TSHZ1: variants seen among roughly 807,000 people sequenced by gnomAD.
TSHZ1 encodes teashirt zinc finger homeobox 1, also known as teashirt homolog 1.
In TSHZ1, 12 loss-of-function variants were observed where a neutral mutation model predicts 67.1. That is an observed-to-expected ratio of 0.18 (90% CI 0.11 to 0.29). The LOEUF (loss-of-function observed/expected upper bound fraction) is 0.29, where lower values mean the gene tolerates loss of function less well. Among genes scored for constraint, TSHZ1 ranks in the 10% least tolerant of loss-of-function variants. The pLI, the probability that TSHZ1 is intolerant of heterozygous loss-of-function variation, is 1.00. For missense variants in TSHZ1, 1,305 were observed against 1,413.9 expected (o/e 0.92, Z 1.23); for synonymous variants, 632 against 622.4 (o/e 1.02, Z -0.23).
At position 75,244,171 on chromosome 18, in the gene TSHZ1, G is replaced by A. The variant is rs569422556; in HGVS notation, c.40+32255G>A. On this transcript the variant is annotated intron_variant, in intron 1 of 1. Coordinates refer to ENST00000580243, the MANE Select transcript of TSHZ1 (RefSeq NM_001308210.2). ...CGGGGGAATAGGCATCGTGCTCGGA[G>A]TTCCGGGTTCCCTTGCACCCCAGAA... is the stretch of plus-strand genomic sequence containing the variant. 5.9e-5 allele frequency among the ~76,000 whole-genome samples: 9 copies of A among 152,288 alleles called. No homozygotes were observed. The South Asian group carries it at 1.9e-3, about 32-fold the overall frequency.
At chr18:75,233,215 G>A (rs367971288) in intron 1 of TSHZ1, among the ~76,000 whole-genome samples, 2 of 152,280 alleles carry the variant, frequency 1.3e-5, no homozygotes, top group Middle Eastern at 3.4e-3. Flanking sequence ...AGTCTGCTCC[G>A]TTATCTCTTT....
At chr18:75,215,827 A>G (rs2022759548) in intron 1 of TSHZ1, among the ~76,000 whole-genome samples, 1 of 152,182 alleles carries the variant, frequency 6.6e-6, no homozygotes. Context: ...ACAGGTTGTA[A>G]TCCCACGGGG....
chr18:75,274,504 T>G (rs1428839002), intron 1 of TSHZ1, among the ~76,000 whole-genome samples: 1 of 152,192 alleles, frequency 6.6e-6, no homozygotes, highest in African/African-American at 2.4e-5. Flanking sequence ...TCTGATAGGT[T>G]AATCACTAGA....
intron 1 of TSHZ1, among the ~76,000 whole-genome samples, chr18:75,213,716 C>T (rs992363784): frequency 2.6e-5 from 4 of 152,104 alleles, no homozygotes; most frequent in South Asian, 2.1e-4. Flanking sequence ...AAAAACAAGC[C>T]GTCAAGGCGA....
At chr18:75,216,889 C>G (rs4891246) in intron 1 of TSHZ1, among the ~76,000 whole-genome samples, 2,436 of 152,216 alleles carry the variant, frequency 0.016, 111 homozygotes, top group East Asian at 0.15. Context: ...GGGCCGGGAC[C>G]CACTCCTGTT....
In TSHZ1 at chr18:75,286,336, T is replaced by G; in HGVS notation, c.929T>G (p.Met310Arg). The change falls in exon 2 of 2, where the codon ATG (methionine) becomes AGG (arginine). Residue 310 changes from methionine (M) to arginine (R), a missense_variant. By Grantham distance (91) the Met-to-Arg change is moderately conservative. This residue lies in a region of TSHZ1 where 38 missense variants were observed against 76.5 expected (regional missense o/e 0.50). Coordinates refer to ENST00000580243, the MANE Select transcript of TSHZ1 (RefSeq NM_001308210.2). This position sits in a 1 kb window ranked among gnomAD's most constrained non-coding sequence, Gnocchi z 5.1. ...GATGCCCAGAAGGTGCTGAAGTGCA[T>G]GTACTGTGGACACTCCTTTGAGTCC... Reference protein sequence around the residue: ...KEDAQKVLKCMYCGHSFESLQ... With the variant: ...KEDAQKVLKCRYCGHSFESLQ... 6.2e-7 allele frequency: 1 copy of G among 1,614,010 alleles called. No homozygotes were observed. The highest frequency in any genetic ancestry group is 1.3e-5 in the African/African-American group (1 of 75,000).
chr18:75,255,174 C>G (rs2023348331), intron 1 of TSHZ1, among the ~76,000 whole-genome samples: 1 of 152,102 alleles, frequency 6.6e-6, no homozygotes, highest in Non-Finnish European at 1.5e-5. Context: ...CCTCCTCTAC[C>G]ATCTGGGATG....
Position 75,286,072 on chromosome 18 carries a change from T to C in TSHZ1, c.665T>C (p.Leu222Pro), listed in dbSNP as rs1324068999. ...TATGGGCTGCTTCCTGAGCCCAGCC[T>C]GTTCAGCACCGTGCAGCTCTACCGC... ...SSYGLLPEPS[L>P]FSTVQLYRQN... Residue 222 changes from leucine to proline, a missense_variant, in exon 2 of 2, where the codon CTG becomes CCG. By Grantham distance (98) the Leu-to-Pro change is moderately conservative. Coordinates refer to ENST00000580243, the MANE Select transcript of TSHZ1 (RefSeq NM_001308210.2). This position sits in a 1 kb window ranked among gnomAD's most constrained non-coding sequence, Gnocchi z 5.1. 1.2e-6 allele frequency: 2 copies of C among 1,612,904 alleles called. No individual in the cohort carries two copies. Among genetic ancestry groups the C allele is most frequent in the South Asian group, 2.2e-5 (2 of 91,016 alleles).
intron 1 of TSHZ1, among the ~76,000 whole-genome samples, chr18:75,260,483 G>A (rs2023417497): frequency 6.6e-6 from 1 of 152,210 alleles, no homozygotes; most frequent in South Asian, 2.1e-4. Flanking sequence ...AAATGGTTTT[G>A]GAATATGCAG....
At chr18:75,216,197 A>G (rs1336806928) in intron 1 of TSHZ1, among the ~76,000 whole-genome samples, 2 of 152,184 alleles carry the variant, frequency 1.3e-5, no homozygotes, top group Non-Finnish European at 2.9e-5. Flanking sequence ...GGCATGTCTT[A>G]TTTCCTACTC....
At chr18:75,234,747 A>G (rs1415793905) in intron 1 of TSHZ1, among the ~76,000 whole-genome samples, 1 of 152,186 alleles carries the variant, frequency 6.6e-6, no homozygotes, top group Non-Finnish European at 1.5e-5. Flanking sequence ...TGACACGTTC[A>G]CCCATACATA....
chr18:75,214,865 G>T (rs1055063432), intron 1 of TSHZ1, among the ~76,000 whole-genome samples: 1 of 152,090 alleles, frequency 6.6e-6, no homozygotes, highest in Non-Finnish European at 1.5e-5. Flanking sequence ...CAGGCGTAAC[G>T]ATTAATGCGG....
intron 1 of TSHZ1, among the ~76,000 whole-genome samples, chr18:75,236,465 C>A (rs111715440): frequency 6.6e-6 from 1 of 152,118 alleles, no homozygotes; most frequent in Non-Finnish European, 1.5e-5. Flanking sequence ...TTATAAAACA[C>A]GTTTAAGGGA....
chr18:75,219,916 T>C (rs1422105870), intron 1 of TSHZ1, among the ~76,000 whole-genome samples: 1 of 152,238 alleles, frequency 6.6e-6, no homozygotes, highest in Non-Finnish European at 1.5e-5. Context: ...GCACCTGTGA[T>C]ACATGCACAG....
At chr18:75,235,666 A>G (rs1288454050) in intron 1 of TSHZ1, among the ~76,000 whole-genome samples, 1 of 152,248 alleles carries the variant, frequency 6.6e-6, no homozygotes, top group Non-Finnish European at 1.5e-5. Context: ...GTGGTTATCA[A>G]TATTAACTTC....
intron 1 of TSHZ1, among the ~76,000 whole-genome samples, chr18:75,260,115 A>C (rs2122580017): frequency 6.6e-6 from 1 of 152,376 alleles, no homozygotes; most frequent in African/African-American, 2.4e-5. Flanking sequence ...TAAATGAACG[A>C]ATGCACGAAT....
At chr18:75,244,866 G>A (rs749184593) in intron 1 of TSHZ1, among the ~76,000 whole-genome samples, 3 of 152,118 alleles carry the variant, frequency 2.0e-5, no homozygotes, top group Non-Finnish European at 4.4e-5. Flanking sequence ...TGAAAAACAC[G>A]ACCGTTTGAC....
At chr18:75,229,959 A>C (rs2022976283) in intron 1 of TSHZ1, among the ~76,000 whole-genome samples, 1 of 152,218 alleles carries the variant, frequency 6.6e-6, no homozygotes. Context: ...CTACTTGTGG[A>C]AATGCTCATA....
At chr18:75,264,334 A>G (rs1209840992) in intron 1 of TSHZ1, among the ~76,000 whole-genome samples, 2 of 152,236 alleles carry the variant, frequency 1.3e-5, no homozygotes, top group African/African-American at 2.4e-5. Context: ...AAAATACACT[A>G]CAGAAGCTTT....
Sources: gnomAD v4.1 joint callset for allele counts (sites outside exome capture counted in the v4.1 genomes callset) on GRCh38, gnomAD v4.1.1 for gene constraint, gnomAD v4.1.1 regional missense constraint, Gnocchi (gnomAD v3.1) non-coding constraint, MANE v1.5 for transcripts, NCBI Gene and HGNC (gene_info 2026-07-23, HGNC 2026-07-21) for gene names.